LTN1: variants seen among roughly 807,000 people sequenced by gnomAD.
The protein encoded by LTN1 is E3 ubiquitin-protein ligase listerin.
In LTN1, 88 loss-of-function variants were observed where a neutral mutation model predicts 201.2. That is an observed-to-expected ratio of 0.44 (90% CI 0.37 to 0.52). The LOEUF (loss-of-function observed/expected upper bound fraction) is 0.52. LTN1 is among the 20% of genes least tolerant of loss of function. LTN1 has a pLI of 0.00. For missense variants in LTN1, 1,752 were observed against 2,038.7 expected (o/e 0.86, Z 2.71); for synonymous variants, 645 against 713.5 (o/e 0.90, Z 1.53).
chr21:28,951,808 C>A (rs1256157077), intron 18 of LTN1, among the ~76,000 whole-genome samples: 1 of 151,920 alleles, frequency 6.6e-6, no homozygotes, highest in African/African-American at 2.4e-5. Flanking sequence ...ACCATCCCTA[C>A]AAAATTAAAA....
chr21:28,941,582 A>G (rs2084298217), intron 24 of LTN1, among the ~76,000 whole-genome samples, 176 bp from the exon 25 acceptor site: 1 of 152,214 alleles, frequency 6.6e-6, no homozygotes, highest in South Asian at 2.1e-4. Context: ...ACAGTAAAAT[A>G]AAAAAGACAT....
intron 14 of LTN1, 124 bp downstream of exon 14, chr21:28,958,262 T>C (rs945340632): frequency 5.7e-6 from 5 of 870,660 alleles, no homozygotes; most frequent in Non-Finnish European, 6.9e-6. Context: ...ACTGAGTAGC[T>C]GGGATTATAG....
At chr21:28,964,719 T>C in intron 11 of LTN1, 1 of 1,550,454 alleles carries the variant, frequency 6.4e-7, no homozygotes, top group East Asian at 2.4e-5. Flanking sequence ...GGAAGAGGAT[T>C]TTCTTCCACA....
chr21:28,970,853 A>G (rs1157663090), intron 7 of LTN1, 111 bp from the exon 8 acceptor site: 4 of 730,006 alleles, frequency 5.5e-6, no homozygotes, highest in Non-Finnish European at 8.2e-6. Flanking sequence ...TTTTACCTAA[A>G]AAAAGCTAAA....
intron 11 of LTN1, among the ~76,000 whole-genome samples, chr21:28,961,125 T>A (rs761451009): frequency 6.6e-6 from 1 of 152,160 alleles, no homozygotes; most frequent in African/African-American, 2.4e-5. Flanking sequence ...ATCTTGTCTT[T>A]CCAATGAGAT....
At chr21:28,945,182 T>C (rs1017408997) in intron 21 of LTN1, among the ~76,000 whole-genome samples, 9 of 151,848 alleles carry the variant, frequency 5.9e-5, no homozygotes, top group East Asian at 1.9e-4. Context: ...GATCGCACCA[T>C]TGCACTCCAG....
At chr21:28,951,970 A>AAAAT (rs1298370013) in intron 18 of LTN1, among the ~76,000 whole-genome samples, 190 bp downstream of exon 18, 4 of 152,170 alleles carry the variant, frequency 2.6e-5, no homozygotes, top group East Asian at 1.9e-4. Flanking sequence ...ACCCTGTCTC[A>AAAAT]AAATAAATAA....
chr21:28,974,984 CA>C (rs140506239), intron 6 of LTN1, among the ~76,000 whole-genome samples: 14 of 146,782 alleles, frequency 9.5e-5, no homozygotes, highest in African/African-American at 1.3e-4. Flanking sequence ...TGCCTCCTAA[CA>C]AAAAAAAAAT....
intron 11 of LTN1, among the ~76,000 whole-genome samples, chr21:28,963,213 TAGA>T (rs1454386858): frequency 6.6e-6 from 1 of 152,222 alleles, no homozygotes; most frequent in Non-Finnish European, 1.5e-5. Context: ...AGTCACATAT[TAGA>T]AGAAGATGTC....
intron 11 of LTN1, among the ~76,000 whole-genome samples, chr21:28,962,904 T>C (rs1423661154): frequency 6.6e-6 from 1 of 152,082 alleles, no homozygotes; most frequent in African/African-American, 2.4e-5. Flanking sequence ...GTTTTAGTGG[T>C]CCAGACAGAA....
chr21:28,957,362 C>T lies in LTN1; in HGVS notation c.2862G>A (p.Trp954Ter). Residue 954 changes from tryptophan to a stop codon, truncating the protein, a stop_gained, in exon 15 of 30, where the codon TGG (tryptophan) becomes TGA (stop). Coordinates refer to ENST00000361371, the MANE Select transcript of LTN1 (RefSeq NM_015565.3). LOFTEE classifies it high-confidence loss of function. Reference protein sequence around the residue: ...IGSVMPNDSEWEKMRQSLPMQ... With the variant: ...IGSVMPNDSE ...TAGGAAGAGACTGCCTCATCTTTTC[C>T]CATTCACTGTCGTTCGGCATTACAC... The T allele has an allele frequency of 6.2e-7, 1 of 1,603,366 alleles. No individual in the cohort carries two copies. The highest frequency in any genetic ancestry group is 1.1e-5 in the South Asian group (1 of 89,594).
intron 25 of LTN1, among the ~76,000 whole-genome samples, chr21:28,939,614 T>A (rs2084282025): frequency 6.6e-6 from 1 of 152,156 alleles, no homozygotes; most frequent in Non-Finnish European, 1.5e-5. Context: ...CACAGCTCAG[T>A]TCAAGTTTCA....
chr21:28,953,246 C>T lies in LTN1; in HGVS notation c.3210G>A (p.Thr1070=), dbSNP rs1038521318. The T allele has an allele frequency of 9.5e-6, 15 of 1,582,844 alleles. No individual in the cohort carries two copies. The highest frequency in any genetic ancestry group is 2.7e-5 in the African/African-American group (2 of 72,950). The change falls in exon 17 of 30, where the codon ACG becomes ACA. Residue 1070 remains threonine, a synonymous_variant. Transcript: ENST00000361371. ...TYDNLRVLGN[T]SGLLQLLFNR... is the part of the protein sequence containing the mutation. ...TAAATAACAGCTGCAAAAGGCCCGA[C>T]GTATTACCAAGTACACGTAAGTTAT...
At chr21:28,948,191 CA>C (rs531979859) in intron 18 of LTN1, among the ~76,000 whole-genome samples, 36,348 of 73,016 alleles carry the variant, frequency 0.5, 6,275 homozygotes, top group East Asian at 0.68. Context: ...AACTCTGTTT[CA>C]AAAAAAAAAA....
chr21:28,975,288 A>C (rs1568854215), intron 6 of LTN1, among the ~76,000 whole-genome samples: 1 of 152,228 alleles, frequency 6.6e-6, no homozygotes, highest in Non-Finnish European at 1.5e-5. Context: ...ACCAAGTGGA[A>C]GTTCTAGGAA....
In LTN1 at chr21:28,941,402, G is replaced by A. The variant is rs780541401; in HGVS notation, c.4300C>T (p.Pro1434Ser). The change falls in exon 25 of 30, where the codon CCA becomes TCA. Residue 1434 changes from proline (P) to serine (S), a missense_variant. Physicochemically the swap from Pro to Ser is moderately conservative, Grantham distance 74. Around this residue, in one of 3 missense-constraint regions of LTN1, gnomAD observed 1,211 missense variants for 1,312.8 expected, o/e 0.92. Coordinates refer to ENST00000361371, the MANE Select transcript of LTN1 (RefSeq NM_015565.3). ...AGAAGAGACATCAGTGCTGCTGGTG[G>A]TGACCTAAGAATCAATGATTAAACA... ...GDEEEEPALS[P>S]PAALMSLLSI... The A allele has an allele frequency of 1.2e-6, 2 of 1,605,062 alleles. No individual in the cohort carries two copies. The highest frequency in any genetic ancestry group is 1.1e-5 in the South Asian group (1 of 89,010).
At position 28,945,782 on chromosome 21, in the gene LTN1, G is replaced by A. The variant is rs1299641161; in HGVS notation, c.3768+25C>T. 9.4e-6 allele frequency: 15 copies of A among 1,602,526 alleles called. 1 individual carries two copies. Among genetic ancestry groups the A allele is most frequent in the Non-Finnish European group, 1.3e-5 (15 of 1,173,974 alleles). On this transcript the variant is annotated intron_variant, in intron 21 of 29. Transcript: ENST00000361371. ...AAGTATGTACAAAAACCCACAAGAG[G>A]TGATGACATATCGGGTTAATTTACC...
chr21:28,961,419 A>G (rs1048548196), intron 11 of LTN1: 10 of 159,848 alleles, frequency 6.3e-5, no homozygotes, highest in Non-Finnish European at 1.2e-4. Flanking sequence ...GGGAAGCAAG[A>G]AAAAAAAAAG....
In LTN1 at chr21:28,943,674, G is replaced by T; in HGVS notation, c.4213C>A (p.Leu1405Ile). The change falls in exon 23 of 30, where the codon CTA (leucine) becomes ATA (isoleucine). Residue 1405 changes from leucine (L) to isoleucine (I), a missense_variant. By Grantham distance (5) the Leu-to-Ile change is conservative. Coordinates refer to ENST00000361371, the MANE Select transcript of LTN1 (RefSeq NM_015565.3). ...RPVQIAVYHMLYKLMPELPQY... is the reference protein window; with the variant it reads ...RPVQIAVYHMIYKLMPELPQY... The stretch of plus-strand genomic sequence containing the variant: ...AATTGGATGAATTCTTACTTGTATA[G>T]CATATGATAAACAGCAATTTGCACA... 6.3e-7 allele frequency: 1 copy of T among 1,589,416 alleles called. No homozygotes were observed. Among genetic ancestry groups the T allele is most frequent in the South Asian group, 1.1e-5 (1 of 90,558 alleles).
Sources: gnomAD v4.1 joint callset for allele counts (sites outside exome capture counted in the v4.1 genomes callset) on GRCh38, gnomAD v4.1.1 for gene constraint, gnomAD v4.1.1 regional missense constraint, MANE v1.5 for transcripts, NCBI Gene and HGNC (gene_info 2026-07-23, HGNC 2026-07-21) for gene names.